The following UTP6 variants were observed in gnomAD, a reference collection of about 807,000 sequenced individuals.
UTP6 encodes the protein UTP6 small subunit processome component.
Under a neutral mutation model 96.5 loss-of-function variants are expected in UTP6, and 60 were observed. That is an observed-to-expected ratio of 0.62 (90% confidence interval 0.51 to 0.77). The LOEUF (loss-of-function observed/expected upper bound fraction) is 0.77, where lower values mean the gene tolerates loss of function less well. Among genes scored for constraint, UTP6 ranks in the 30% least tolerant of loss-of-function variants. The pLI, the probability that UTP6 is intolerant of heterozygous loss-of-function variation, is 0.00. For synonymous variants in UTP6, 215 were observed against 240.1 expected (o/e 0.90, Z 0.96); for missense variants, 637 against 706.5 (o/e 0.90, Z 1.12).
intron 16 of UTP6, among the ~76,000 whole-genome samples, chr17:31,872,644 C>CT (rs1910245930): frequency 6.6e-6 from 1 of 151,788 alleles, no homozygotes; most frequent in Non-Finnish European, 1.5e-5. Flanking sequence ...CCACTACACT[C>CT]TAACCTAGGT....
intron 8 of UTP6, among the ~76,000 whole-genome samples, chr17:31,887,022 C>T (rs1446798722): frequency 1.3e-5 from 2 of 151,630 alleles, no homozygotes; most frequent in African/African-American, 4.9e-5. Flanking sequence ...CAAAATGTAA[C>T]AACATTAAAC....
In UTP6 at chr17:31,889,103, G is replaced by A. The variant is rs535351494; in HGVS notation, c.543+182C>T. ...AAAGTGAAACCAGCCTGGCCAACATGGCAAAACCCCGCCTCTACTAAAAAT... is the reference window on the plus strand; with the variant it reads ...AAAGTGAAACCAGCCTGGCCAACATAGCAAAACCCCGCCTCTACTAAAAAT... On this transcript the variant is annotated intron_variant, in intron 7 of 18. Transcript: ENST00000261708. 5.9e-5 allele frequency among the ~76,000 whole-genome samples: 9 copies of A among 151,856 alleles called. No individual in the cohort carries two copies. The South Asian group carries it at 1.9e-3, about 31-fold the overall frequency.
chr17:31,866,131 C>T (rs1909797864), intron 17 of UTP6, among the ~76,000 whole-genome samples: 1 of 151,618 alleles, frequency 6.6e-6, no homozygotes, highest in South Asian at 2.1e-4. Context: ...ACTGAAAATA[C>T]AAAAAATTAG....
rs374155003 is a variant in UTP6, at chr17:31,873,710, C to T, written c.1349G>A (p.Gly450Asp). 1.1e-5 allele frequency: 17 copies of T among 1,612,370 alleles called. No individual in the cohort carries two copies. The highest frequency in any genetic ancestry group is 1.6e-4 in the Middle Eastern group (1 of 6,082). The change falls in exon 15 of 19, where the codon GGT becomes GAT. Residue 450 changes from glycine (G) to aspartate (D), a missense_variant. By Grantham distance (94) the Gly-to-Asp change is moderately conservative. Coordinates refer to ENST00000261708, the MANE Select transcript of UTP6 (RefSeq NM_018428.3). ...LWISWAEWSE[G>D]AKSQEDTEAV... ...CTCAGTGTCTTCTTGGCTTTTGGCA[C>T]CTTCACTCCACTCTGCCCAGGAAAT...
At chr17:31,886,156 T>C (rs1567788067) in intron 8 of UTP6, 95 bp from the exon 9 acceptor site, 27 of 960,824 alleles carry the variant, frequency 2.8e-5, no homozygotes, top group South Asian at 2.5e-4. Context: ...CTGTGCCATA[T>C]GACCACTGGT....
At position 31,889,478 on chromosome 17, in the gene UTP6, A is replaced by C. The variant is rs944533297; in HGVS notation, c.425-75T>G. The C allele has an allele frequency of 2.9e-5, 33 of 1,148,520 alleles. No homozygotes were observed. The Admixed American group carries it at 7.4e-4, about 26-fold the overall frequency. The allele number at this position is 1,148,520 out of a possible 1,614,324, so 71.1% of individuals were successfully genotyped here. A position where few individuals can be genotyped will look rare whatever the true frequency, so the allele number is the denominator to read the frequency against. ...GACAAGAAAAGAACCAAATGATCCA[A>C]TTTTAATACTCGCACAATTTTTTTT... On this transcript the variant is annotated intron_variant, in intron 6 of 18. Transcript: ENST00000261708.
In UTP6 at chr17:31,878,275, A is replaced by C; in HGVS notation, c.1100T>G (p.Leu367Arg). The C allele has an allele frequency of 6.2e-7, 1 of 1,614,216 alleles. No individual in the cohort carries two copies. The change falls in exon 13 of 19, where the codon CTG becomes CGG. Residue 367 changes from leucine to arginine, a missense_variant. Physicochemically the swap from Leu to Arg is moderately radical, Grantham distance 102. Coordinates refer to ENST00000261708, the MANE Select transcript of UTP6 (RefSeq NM_018428.3). The stretch of plus-strand genomic sequence containing the variant: ...CAACTGCTTGTATTGGCATTCTGAC[A>C]GAAGCTTCAGTTCATGTGCCTTCCT... ...VFRKAHELKLLSECQYKQLSV... is the reference protein window; with the variant it reads ...VFRKAHELKLRSECQYKQLSV...
rs755629932 is a variant in UTP6 at position 31,875,274 on chromosome 17, G to A, written c.1265C>T (p.Ala422Val). ...CACAAAGGCTTCTTCAAAAAGCATG[G>A]CTATGTCAGGGCTCTTTGACTCGAT... ...VLIESKSPDI[A>V]MLFEEAFVHL... The change falls in exon 14 of 19, where the codon GCC becomes GTC. Residue 422 changes from alanine (A) to valine (V), a missense_variant. Ala to Val is a moderately conservative substitution (Grantham distance 64, BLOSUM62 0). Transcript: ENST00000261708. 2 of 1,614,110 alleles carry A rather than the reference G, an allele frequency of 1.2e-6. No individual in the cohort carries two copies.
intron 11 of UTP6, among the ~76,000 whole-genome samples, chr17:31,879,802 A>C (rs1910717128): frequency 6.6e-6 from 1 of 152,158 alleles, no homozygotes; most frequent in Non-Finnish European, 1.5e-5. Flanking sequence ...GAAAGCCAAG[A>C]CCAAGTTAGA....
chr17:31,871,589 A>C (rs1043330826), intron 16 of UTP6, among the ~76,000 whole-genome samples: 7 of 152,058 alleles, frequency 4.6e-5, no homozygotes, highest in African/African-American at 1.2e-4. Context: ...CTCTGCAAAA[A>C]AATTTAAGAA....
intron 17 of UTP6, 98 bp from the exon 18 acceptor site, chr17:31,865,536 T>G: frequency 8.2e-7 from 1 of 1,216,880 alleles, no homozygotes; most frequent in Non-Finnish European, 1.2e-6. Flanking sequence ...GTCAGGTATT[T>G]GAAGGGAAGA....
At chr17:31,883,244 CAT>C (rs1357128563) in intron 10 of UTP6, among the ~76,000 whole-genome samples, 2 of 150,424 alleles carry the variant, frequency 1.3e-5, no homozygotes, top group African/African-American at 4.9e-5. Flanking sequence ...CAACTATAAA[CAT>C]ATGAGTATAA....
At position 31,895,030 on chromosome 17, in the gene UTP6, C is replaced by T. The variant is rs1225156782; in HGVS notation, c.178-19G>A. On this transcript the variant is annotated intron_variant, in intron 2 of 18. Coordinates refer to ENST00000261708, the MANE Select transcript of UTP6 (RefSeq NM_018428.3). Reference sequence around the variant, plus strand: ...TTTCATACTATGAAAGAAAAACATACAAAAAAATGAGAAGCTAGAAAATCT... The same window carrying T: ...TTTCATACTATGAAAGAAAAACATATAAAAAAATGAGAAGCTAGAAAATCT... 6 of 1,502,648 alleles carry T rather than the reference C, an allele frequency of 4.0e-6. No individual in the cohort carries two copies. Among genetic ancestry groups the T allele is most frequent in the South Asian group, 2.5e-5 (2 of 79,964 alleles). 93.1% of individuals were successfully genotyped at this position (1,502,648 alleles called of 1,614,324 possible). A position where few individuals can be genotyped will look rare whatever the true frequency, so the allele number is the denominator to read the frequency against.
intron 2 of UTP6, among the ~76,000 whole-genome samples, chr17:31,897,094 C>G (rs1217881617): frequency 6.6e-6 from 1 of 151,858 alleles, no homozygotes; most frequent in Non-Finnish European, 1.5e-5. Flanking sequence ...CAAGACCAGC[C>G]TGGGCAACAT....
At position 31,889,345 on chromosome 17, in the gene UTP6, T is replaced by C. The variant is rs764920706; in HGVS notation, c.483A>G (p.Ala161=). The C allele has an allele frequency of 2.0e-5, 33 of 1,613,850 alleles. No individual in the cohort carries two copies. The highest frequency in any genetic ancestry group is 4.2e-6 in the Non-Finnish European group (5 of 1,179,954). ...EMEDRLSSES[A]RQLFLRALRF... is the part of the protein sequence containing the mutation. ...GCAGTGCGCGAAGAAATAGTTGCCT[T>C]GCGCTTTCTGAAGACAATCGATCTT... Residue 161 remains alanine, a synonymous_variant, in exon 7 of 19, where the codon GCA becomes GCG. Transcript: ENST00000261708.
rs554382347 is a variant in UTP6 at position 31,866,036 on chromosome 17, T to A, written c.1564-598A>T. 2.0e-5 allele frequency among the ~76,000 whole-genome samples: 3 copies of A among 152,178 alleles called. No homozygotes were observed. The South Asian group carries it at 6.2e-4, about 32-fold the overall frequency. On this transcript the variant is annotated intron_variant, in intron 17 of 18. Coordinates refer to ENST00000261708, the MANE Select transcript of UTP6 (RefSeq NM_018428.3). ...AAACTGCTCATTCTCCACCTATTTT[T>A]AAAAATGTATTCTTGCCGGGCACGG... is the stretch of plus-strand genomic sequence containing the variant.
At chr17:31,875,523 A>C in intron 13 of UTP6, 110 bp from the exon 14 acceptor site, 2 of 1,268,638 alleles carry the variant, frequency 1.6e-6, no homozygotes, top group Non-Finnish European at 2.2e-6. Context: ...CCTTTCCACT[A>C]CAATTTAAAA....
intron 4 of UTP6, among the ~76,000 whole-genome samples, chr17:31,894,032 G>A (rs1235125078): frequency 6.6e-6 from 1 of 151,872 alleles, no homozygotes; most frequent in Non-Finnish European, 1.5e-5. Context: ...ACTTTGGGAG[G>A]CTGAGGTGGG....
Position 31,878,750 on chromosome 17 carries a change from G to A in UTP6, c.999C>T (p.Cys333=). Residue 333 remains cysteine (C), a synonymous_variant, in exon 12 of 19, where the codon TGC becomes TGT. Coordinates refer to ENST00000261708, the MANE Select transcript of UTP6 (RefSeq NM_018428.3). ...EAMWKCYITF[C]LERFTKKSNS... is the part of the protein sequence containing the mutation. ...TTGACTTCTTAGTAAATCTTTCCAA[G>A]CAAAAGGTGATGTAACACTTCCACA... is the stretch of plus-strand genomic sequence containing the variant. 1.2e-6 allele frequency: 2 copies of A among 1,614,084 alleles called. No homozygotes were observed. Among genetic ancestry groups the A allele is most frequent in the Non-Finnish European group, 1.7e-6 (2 of 1,180,022 alleles).
Sources: allele counts gnomAD v4.1 joint callset (sites outside exome capture counted in the v4.1 genomes callset), GRCh38; gene constraint gnomAD v4.1.1; transcripts MANE v1.5; gene names NCBI Gene and HGNC (gene_info 2026-07-23, HGNC 2026-07-21).